Variants in GALNTL6 observed in about 807,000 individuals in gnomAD.
GALNTL6 encodes the protein polypeptide N-acetylgalactosaminyltransferase-like 6.
A neutral mutation model predicts 73.7 loss-of-function variants in GALNTL6; 46 were observed. The observed-to-expected ratio is 0.62, with a 90% CI of 0.49 to 0.80. GALNTL6 has a LOEUF of 0.80. GALNTL6 is among the 30% of genes least tolerant of loss of function. The pLI, the probability that GALNTL6 is intolerant of heterozygous loss-of-function variation, is 0.00. For synonymous variants in GALNTL6, 259 were observed against 263.7 expected, an observed-to-expected ratio of 0.98 and a Z score of 0.17; for missense variants, 604 against 755.0, an observed-to-expected ratio of 0.80 and a Z score of 2.34.
At chr4:172,866,473 G>T (rs1674014928) in intron 7 of GALNTL6, among the ~76,000 whole-genome samples, 1 of 152,172 alleles carries the variant, frequency 6.6e-6, no homozygotes, top group South Asian at 2.1e-4. Flanking sequence ...CTAACTCATA[G>T]GGCGAGTTGT....
At chr4:172,993,711 T>C (rs1277968827) in intron 10 of GALNTL6, among the ~76,000 whole-genome samples, 1 of 152,224 alleles carries the variant, frequency 6.6e-6, no homozygotes. Flanking sequence ...TTTTGTTCTG[T>C]TCTGCTTTAT....
intron 5 of GALNTL6, chr4:172,425,399 T>TC (rs1207731606): frequency 1.3e-5 from 2 of 152,148 alleles, no homozygotes; most frequent in Non-Finnish European, 2.9e-5. Flanking sequence ...TGTACTATGT[T>TC]CTTGGGTACG....
intron 5 of GALNTL6, among the ~76,000 whole-genome samples, chr4:172,447,395 T>C (rs1301296858): frequency 1.3e-5 from 2 of 152,198 alleles, no homozygotes; most frequent in East Asian, 1.9e-4. Context: ...TATGCATTTG[T>C]AAGTCTAATT....
intron 5 of GALNTL6, among the ~76,000 whole-genome samples, chr4:172,537,354 T>G (rs888527598): frequency 2.0e-5 from 3 of 151,976 alleles, no homozygotes; most frequent in African/African-American, 7.3e-5. Flanking sequence ...ATCATGGGAG[T>G]GGTTACCTCC....
chr4:172,453,719 G>A (rs1732295991), intron 5 of GALNTL6, among the ~76,000 whole-genome samples: 1 of 152,214 alleles, frequency 6.6e-6, no homozygotes, highest in African/African-American at 2.4e-5. Context: ...TACACTGGGA[G>A]TTAAGGACTT....
At chr4:172,397,556 C>CATTTATTTATTT (rs10639647) in intron 5 of GALNTL6, among the ~76,000 whole-genome samples, 1,751 of 144,436 alleles carry the variant, frequency 0.012, 11 homozygotes, top group Middle Eastern at 0.021. Flanking sequence ...ATAAGTATCT[C>CATTTATTTATTT]ATTTATTTAT....
chr4:173,002,707 A>G (rs1752097772), intron 10 of GALNTL6, among the ~76,000 whole-genome samples: 1 of 151,294 alleles, frequency 6.6e-6, no homozygotes, highest in Admixed American at 6.6e-5. Flanking sequence ...AGGCAGGAGA[A>G]TCACTTGAAC....
Position 172,882,837 on chromosome 4 carries a change from T to G in GALNTL6, c.971T>G (p.Phe324Cys). 6.2e-7 allele frequency: 1 copy of G among 1,613,244 alleles called. No homozygotes were observed. The highest frequency in any genetic ancestry group is 1.3e-5 in the African/African-American group (1 of 74,998). ...GGLFAVDRKW[F>C]WELGGYDPGL... ...CTCTTTGCTGTGGATCGGAAATGGTTTTGGGAATTGGGTGGCTATGATCCA... is the reference window on the plus strand; with the variant it reads ...CTCTTTGCTGTGGATCGGAAATGGTGTTGGGAATTGGGTGGCTATGATCCA... Residue 324 changes from phenylalanine to cysteine, a missense_variant, in exon 8 of 13, where the codon TTT (phenylalanine) becomes TGT (cysteine). Phe to Cys is a radical substitution (Grantham distance 205). Around this residue, in one of 5 missense-constraint regions of GALNTL6, gnomAD observed 179 missense variants for 230.8 expected, o/e 0.78. Transcript: ENST00000506823.
chr4:171,827,051 C>A (rs537450496), intron 2 of GALNTL6, among the ~76,000 whole-genome samples: 1 of 152,088 alleles, frequency 6.6e-6, no homozygotes, highest in South Asian at 2.1e-4. Flanking sequence ...TGAGAACAGC[C>A]ACCTGGAAAC....
intron 2 of GALNTL6, among the ~76,000 whole-genome samples, chr4:172,131,440 C>T (rs1579168323): frequency 7.0e-6 from 1 of 143,142 alleles, no homozygotes; most frequent in Admixed American, 7.0e-5. Context: ...CACACACACA[C>T]ACGCATATAT....
chr4:172,394,876 T>G (rs141030607), intron 5 of GALNTL6, among the ~76,000 whole-genome samples: 1 of 152,230 alleles, frequency 6.6e-6, no homozygotes, highest in Non-Finnish European at 1.5e-5. Context: ...TGGTCTGTTT[T>G]GGCTGCTTTT....
intron 2 of GALNTL6, among the ~76,000 whole-genome samples, chr4:172,115,105 T>C (rs34288328): frequency 0.014 from 2,096 of 152,256 alleles, 47 homozygotes; most frequent in African/African-American, 0.046. Flanking sequence ...CTTTCTACTA[T>C]CATTTATTCT....
intron 5 of GALNTL6, among the ~76,000 whole-genome samples, chr4:172,358,760 T>A (rs59290101): frequency 0.023 from 3,429 of 151,014 alleles, 121 homozygotes; most frequent in African/African-American, 0.078. Context: ...GAATAATTTC[T>A]ATACATAGAA....
At chr4:172,707,094 A>G (rs929141432) in intron 5 of GALNTL6, among the ~76,000 whole-genome samples, 1 of 152,082 alleles carries the variant, frequency 6.6e-6, no homozygotes, top group African/African-American at 2.4e-5. Context: ...ACTTTTCCAC[A>G]TGTTGCCTGG....
intron 2 of GALNTL6, among the ~76,000 whole-genome samples, chr4:171,865,071 G>C (rs927986274): frequency 7.9e-5 from 12 of 152,024 alleles, no homozygotes; most frequent in Admixed American, 2.6e-4. Flanking sequence ...TCTTGACCCC[G>C]GGAGGCGGAG....
chr4:172,796,734 C>T (rs1284909337), intron 5 of GALNTL6, among the ~76,000 whole-genome samples: 1 of 152,104 alleles, frequency 6.6e-6, no homozygotes, highest in East Asian at 1.9e-4. Context: ...GGCAGACAGC[C>T]CATTTCCTGC....
chr4:171,849,158 T>G (rs1395812440), intron 2 of GALNTL6, among the ~76,000 whole-genome samples: 1 of 152,206 alleles, frequency 6.6e-6, no homozygotes, highest in Non-Finnish European at 1.5e-5. Flanking sequence ...TTTTAGCTTT[T>G]GATTTAAGCT....
chr4:172,190,648 A>G (rs1024374619), intron 2 of GALNTL6, among the ~76,000 whole-genome samples: 4 of 152,216 alleles, frequency 2.6e-5, no homozygotes, highest in African/African-American at 9.6e-5. Flanking sequence ...GGTCTATAGA[A>G]GGATATTAGA....
intron 5 of GALNTL6, among the ~76,000 whole-genome samples, chr4:172,425,797 G>C (rs910695439): frequency 1.3e-5 from 2 of 151,858 alleles, no homozygotes; most frequent in African/African-American, 2.4e-5. Flanking sequence ...CAATAAAGAA[G>C]AAAAGAAAAC....
Sources: allele counts gnomAD v4.1 joint callset (sites outside exome capture counted in the v4.1 genomes callset), GRCh38; gene constraint gnomAD v4.1.1; regional missense constraint gnomAD v4.1.1; transcripts MANE v1.5; gene names NCBI Gene and HGNC (gene_info 2026-07-23, HGNC 2026-07-21).